Variants in GPKOW observed in about 807,000 individuals in gnomAD.
GPKOW encodes the protein G-patch domain and KOW motifs, also known as G-patch domain and KOW motifs-containing protein.
For missense variants in GPKOW, 359 were observed against 404.7 expected (o/e 0.89, Z 0.97); for synonymous variants, 167 against 159.1 (o/e 1.05, Z -0.37).
rs782163573 is a variant in GPKOW, at chrX:49,113,825, A to G, written c.1296+28T>C. 5.0e-6 allele frequency: 6 copies of G among 1,199,864 alleles called. No homozygotes were observed. In the Admixed American group the frequency reaches 1.1e-4, roughly 22 times the overall value. ...TGGGACAGGCCCTGAACGACCCACAAACCTCTACTGCCAGGTCTGAGACTC... is the reference window on the plus strand; with the variant it reads ...TGGGACAGGCCCTGAACGACCCACAGACCTCTACTGCCAGGTCTGAGACTC... On this transcript the variant is annotated intron_variant, in intron 10 of 10. Transcript: ENST00000156109.
intron 2 of GPKOW, 49 bp from the exon 3 acceptor site, chrX:49,122,571 C>T (rs1557091235): frequency 8.3e-7 from 1 of 1,206,657 alleles, no homozygotes; most frequent in South Asian, 1.8e-5. Flanking sequence ...TATCCTTCCA[C>T]CTTCTTCCTC....
chrX:49,115,842 G>A (rs144980507), intron 8 of GPKOW, 47 bp from the exon 9 acceptor site: 37,977 of 1,196,857 alleles, frequency 0.032, 457 homozygotes, highest in Non-Finnish European at 0.038. Flanking sequence ...GAGGTAGGGG[G>A]GCCCAGTCCC....
In GPKOW at chrX:49,113,718, C is replaced by T. The variant is rs782702414; in HGVS notation, c.1334G>A (p.Arg445Gln). 5.1e-5 allele frequency: 62 copies of T among 1,205,392 alleles called. No homozygotes were observed. The South Asian group carries it at 7.5e-4, about 15-fold the overall frequency. Residue 445 changes from arginine (R) to glutamine (Q), a missense_variant, in exon 11 of 11, where the codon CGG becomes CAG. Coordinates refer to ENST00000156109, the MANE Select transcript of GPKOW (RefSeq NM_015698.6). ...TTCTCTTGGCAGTTGCACCAAAGCC[C>T]GGCTCCGTGCTCTGTCCCGGCTCAG... ...HLLSRDRARS[R>Q]ALVQLPRENQ...
At position 49,122,387 on chromosome X, in the gene GPKOW, G is replaced by A. The variant is rs2065215976; in HGVS notation, c.456+11C>T. Reference sequence around the variant, plus strand: ...AGGCTGGGGCAGGAGGGGGACAAGGGGCCAGCTCACTGTCTCTGCCCGGGG... The same window carrying A: ...AGGCTGGGGCAGGAGGGGGACAAGGAGCCAGCTCACTGTCTCTGCCCGGGG... On this transcript the variant is annotated intron_variant, in intron 3 of 10. Transcript: ENST00000156109. 2 of 1,135,821 alleles carry A rather than the reference G, an allele frequency of 1.8e-6. No homozygotes were observed. The highest frequency in any genetic ancestry group is 2.3e-6 in the Non-Finnish European group (2 of 858,272). The allele number at this position is 1,135,821 out of a possible 1,213,427, so 93.6% of individuals were successfully genotyped here. A position where few individuals can be genotyped will look rare whatever the true frequency, so the allele number is the denominator to read the frequency against.
chrX:49,120,320 C>T (rs782392702), intron 3 of GPKOW, among the ~76,000 whole-genome samples: 3 of 111,466 alleles, frequency 2.7e-5, no homozygotes, highest in Non-Finnish European at 5.7e-5. Context: ...GCCCTGAGGC[C>T]GGACAAGGCT....
At position 49,117,324 on chromosome X, in the gene GPKOW, C is replaced by T. The variant is rs146627393; in HGVS notation, c.781-162G>A. 5.8e-3 allele frequency among the ~76,000 whole-genome samples: 651 copies of T among 111,797 alleles called. 8 individuals are homozygous for T. Among genetic ancestry groups the T allele is most frequent in the African/African-American group, 0.02 (603 of 30,819 alleles). ...GGACCAGGTCTGGTTCCTGTGTCTCCCTCAGCTGACTGTGGGGCTTCCTTG... is the reference window on the plus strand; with the variant it reads ...GGACCAGGTCTGGTTCCTGTGTCTCTCTCAGCTGACTGTGGGGCTTCCTTG... On this transcript the variant is annotated intron_variant, in intron 5 of 10. Coordinates refer to ENST00000156109, the MANE Select transcript of GPKOW (RefSeq NM_015698.6).
At position 49,122,669 on chromosome X, in the gene GPKOW, G is replaced by T; in HGVS notation, c.284C>A (p.Ala95Asp). The T allele has an allele frequency of 2.5e-6, 3 of 1,211,308 alleles. No individual in the cohort carries two copies. The highest frequency in any genetic ancestry group is 3.4e-6 in the Non-Finnish European group (3 of 894,817). ...RPPGPSTDTG[A>D]LADGVVSQAV... ...CTGGGACACCACCCCATCCGCCAAG[G>T]CCCCAGTATCTGTGGATGGCCCAGG... is the stretch of plus-strand genomic sequence containing the variant. The change falls in exon 2 of 11, where the codon GCC (alanine) becomes GAC (aspartate). Residue 95 changes from alanine (A) to aspartate (D), a missense_variant. Physicochemically the swap from Ala to Asp is moderately radical, Grantham distance 126 (BLOSUM62 -2). Transcript: ENST00000156109.
intron 4 of GPKOW, among the ~76,000 whole-genome samples, chrX:49,119,276 T>G (rs1310826722): frequency 9.1e-6 from 1 of 110,325 alleles, no homozygotes; most frequent in Admixed American, 9.8e-5. Context: ...TTTCTTAAAA[T>G]TAATTAATCT....
Position 49,122,487 on chromosome X carries a change from C to A in GPKOW, c.367G>T (p.Gly123Cys). The A allele has an allele frequency of 8.3e-7, 1 of 1,205,105 alleles. No individual in the cohort carries two copies. The highest frequency in any genetic ancestry group is 1.1e-6 in the Non-Finnish European group (1 of 892,394). ...KKSLEERENAGVDPTLAIPMI... is the reference protein window; with the variant it reads ...KKSLEERENACVDPTLAIPMI... ...GGGATAGCGAGCGTGGGGTCGACAC[C>A]CGCATTCTCTCTCTCTTCCAGAGAC... Residue 123 changes from glycine to cysteine, a missense_variant, in exon 3 of 11, where the codon GGT becomes TGT. Physicochemically the swap from Gly to Cys is radical, Grantham distance 159. Transcript: ENST00000156109.
At chrX:49,122,896 A>T in intron 1 of GPKOW, 120 bp from the exon 2 acceptor site, 1 of 543,047 alleles carries the variant, frequency 1.8e-6, no homozygotes, top group South Asian at 3.0e-5. Flanking sequence ...TGTCTTCCCT[A>T]CTCCATGTCT....
intron 4 of GPKOW, among the ~76,000 whole-genome samples, chrX:49,119,065 C>T (rs2065204596): frequency 2.8e-5 from 3 of 106,436 alleles, no homozygotes; most frequent in South Asian, 8.6e-4. Context: ...CATTCTCCTG[C>T]CTCAGCCTCC....
chrX:49,123,390 C>T (rs1364179885), intron 1 of GPKOW, among the ~76,000 whole-genome samples, 157 bp downstream of exon 1: 1 of 112,412 alleles, frequency 8.9e-6, no homozygotes, highest in East Asian at 2.8e-4. Context: ...TTCCTCACCC[C>T]CTCCTATAAA....
chrX:49,123,621 G>A lies in GPKOW; in HGVS notation c.102C>T (p.Asp34=), dbSNP rs1557091448. Residue 34 remains aspartate, a synonymous_variant, in exon 1 of 11, where the codon GAC becomes GAT. Coordinates refer to ENST00000156109, the MANE Select transcript of GPKOW (RefSeq NM_015698.6). ...GAGATGGCCCCGCGCCGTCTCCCGA[G>A]TCGGCCAGCCGCCTCCGTGCGGACG... ...TRTSARRRLA[D]SGDGAGPSPE... is the part of the protein sequence containing the mutation. The A allele has an allele frequency of 8.3e-7, 1 of 1,208,404 alleles. No homozygotes were observed. Among genetic ancestry groups the A allele is most frequent in the African/African-American group, 1.7e-5 (1 of 57,487 alleles).
At position 49,117,175 on chromosome X, in the gene GPKOW, G is replaced by A; in HGVS notation, c.781-13C>T. ...CAAGGCCTTCCACCTAAAGTGTTGA[G>A]GGGAAGAAGTCAGGTAGGGGTTGTG... is the stretch of plus-strand genomic sequence containing the variant. On this transcript the variant is annotated splice_polypyrimidine_tract_variant and intron_variant, in intron 5 of 10. Coordinates refer to ENST00000156109, the MANE Select transcript of GPKOW (RefSeq NM_015698.6). The A allele has an allele frequency of 8.3e-7, 1 of 1,208,996 alleles. No individual in the cohort carries two copies. Among genetic ancestry groups the A allele is most frequent in the Non-Finnish European group, 1.1e-6 (1 of 893,490 alleles).
intron 1 of GPKOW, 132 bp from the exon 2 acceptor site, chrX:49,122,908 G>T: frequency 2.0e-6 from 1 of 512,301 alleles, no homozygotes; most frequent in Non-Finnish European, 3.3e-6. Context: ...TCCATGTCTG[G>T]ATCTCCTGTT....
At chrX:49,117,198 G>T in intron 5 of GPKOW, 36 bp from the exon 6 acceptor site, 2 of 1,194,706 alleles carry the variant, frequency 1.7e-6, no homozygotes, top group Non-Finnish European at 2.3e-6. Flanking sequence ...GGTAGGGGTT[G>T]TGGACTCCAC....
At chrX:49,122,800 G>A in intron 1 of GPKOW, 24 bp from the exon 2 acceptor site, 1 of 1,188,524 alleles carries the variant, frequency 8.4e-7, no homozygotes, top group East Asian at 3.0e-5. Flanking sequence ...AGAGGGGTGG[G>A]GTTGGGAGAA....
intron 9 of GPKOW, among the ~76,000 whole-genome samples, chrX:49,115,506 C>CAAAAA (rs1207694625): frequency 1.1e-4 from 1 of 8,829 alleles, no homozygotes; most frequent in African/African-American, 2.0e-4. Flanking sequence ...GACTCTGTCT[C>CAAAAA]AAAAAAAAAA....
chrX:49,121,447 A>G (rs1376215816), intron 3 of GPKOW, among the ~76,000 whole-genome samples: 2 of 111,081 alleles, frequency 1.8e-5, no homozygotes, highest in Non-Finnish European at 3.8e-5. Flanking sequence ...AAAACAAACA[A>G]ACAAAAAAAT....
Sources: allele counts gnomAD v4.1 joint callset (sites outside exome capture counted in the v4.1 genomes callset), GRCh38; gene constraint gnomAD v4.1.1; transcripts MANE v1.5; gene names NCBI Gene and HGNC (gene_info 2026-07-23, HGNC 2026-07-21).